STIM2: variants seen among roughly 807,000 people sequenced by gnomAD.
The protein encoded by STIM2 is stromal interaction molecule 2.
In STIM2, 31 loss-of-function variants were observed where a neutral mutation model predicts 85.8. The ratio of observed to expected loss-of-function variants is 0.36; its 90% CI spans 0.27 to 0.49. STIM2 has a LOEUF of 0.49. STIM2 is among the 20% of genes least tolerant of loss of function. STIM2 has a pLI of 0.98. For synonymous variants in STIM2, 356 were observed against 331.1 expected, an observed-to-expected ratio of 1.08 and a Z score of -0.82; for missense variants, 841 against 927.6, an observed-to-expected ratio of 0.91 and a Z score of 1.21.
At chr4:26,977,666 A>G (rs1270835034) in intron 3 of STIM2, among the ~76,000 whole-genome samples, 1 of 152,190 alleles carries the variant, frequency 6.6e-6, no homozygotes, top group Non-Finnish European at 1.5e-5. Flanking sequence ...GGACAGGAAT[A>G]AAAGTTCATT....
At chr4:26,868,274 A>C (rs973019797) in intron 1 of STIM2, among the ~76,000 whole-genome samples, 1 of 152,212 alleles carries the variant, frequency 6.6e-6, no homozygotes, top group Non-Finnish European at 1.5e-5. Flanking sequence ...GTATCTGTCC[A>C]AGTGTTTCTT....
At chr4:26,872,484 C>T (rs1205884539) in intron 1 of STIM2, among the ~76,000 whole-genome samples, 1 of 152,122 alleles carries the variant, frequency 6.6e-6, no homozygotes, top group Non-Finnish European at 1.5e-5. Flanking sequence ...ATAGAAAATA[C>T]ATCTACTTCA....
chr4:26,974,854 C>G (rs560643423), intron 3 of STIM2, among the ~76,000 whole-genome samples: 21 of 152,260 alleles, frequency 1.4e-4, no homozygotes, highest in African/African-American at 5.1e-4. Flanking sequence ...GTCCATTCCC[C>G]CCATCACTTT....
chr4:27,001,861 T>G (rs1300878344), intron 5 of STIM2, among the ~76,000 whole-genome samples: 1 of 152,176 alleles, frequency 6.6e-6, no homozygotes, highest in Non-Finnish European at 1.5e-5. Flanking sequence ...ATGATGGTGG[T>G]GATACTTTTG....
intron 3 of STIM2, among the ~76,000 whole-genome samples, chr4:26,992,267 A>G (rs1269938846): frequency 6.6e-6 from 1 of 152,168 alleles, no homozygotes; most frequent in African/African-American, 2.4e-5. Context: ...AGCATCCAAC[A>G]AATAATTTGT....
chr4:26,962,842 G>C (rs923821116), intron 3 of STIM2, among the ~76,000 whole-genome samples: 4 of 152,084 alleles, frequency 2.6e-5, no homozygotes, highest in African/African-American at 9.7e-5. Flanking sequence ...ATAAAAAACT[G>C]ATTAAGTAAG....
intron 2 of STIM2, among the ~76,000 whole-genome samples, chr4:26,923,073 C>T (rs1199030165): frequency 6.6e-6 from 1 of 151,262 alleles, no homozygotes; most frequent in Non-Finnish European, 1.5e-5. Context: ...TGACCCCTGA[C>T]CCCCGAGCAG....
chr4:26,987,474 C>T (rs1342527089), intron 3 of STIM2, among the ~76,000 whole-genome samples: 1 of 152,112 alleles, frequency 6.6e-6, no homozygotes, highest in African/African-American at 2.4e-5. Flanking sequence ...TAGTCCCGCC[C>T]TTCCCCATAT....
intron 1 of STIM2, among the ~76,000 whole-genome samples, chr4:26,912,414 T>A (rs1724379753): frequency 6.6e-6 from 1 of 152,230 alleles, no homozygotes; most frequent in Non-Finnish European, 1.5e-5. Context: ...TTTTTCAGCT[T>A]CATTTCTTTC....
chr4:26,961,623 G>A (rs1321786832), intron 3 of STIM2, among the ~76,000 whole-genome samples: 1 of 152,190 alleles, frequency 6.6e-6, no homozygotes, highest in Non-Finnish European at 1.5e-5. Context: ...TACAATAATA[G>A]CAGTAAGTTT....
chr4:26,931,270 C>T (rs1725196141), intron 2 of STIM2, among the ~76,000 whole-genome samples: 1 of 152,116 alleles, frequency 6.6e-6, no homozygotes, highest in African/African-American at 2.4e-5. Flanking sequence ...ATCACTTTTG[C>T]TGTATTCTAC....
intron 2 of STIM2, among the ~76,000 whole-genome samples, chr4:26,923,317 G>A (rs1017866538): frequency 8.6e-5 from 13 of 151,828 alleles, no homozygotes; most frequent in African/African-American, 1.5e-4. Flanking sequence ...AACGCAGAGC[G>A]CCTCTCCTCC....
intron 3 of STIM2, among the ~76,000 whole-genome samples, chr4:26,989,630 G>A (rs932524168): frequency 6.6e-6 from 1 of 152,124 alleles, no homozygotes; most frequent in Non-Finnish European, 1.5e-5. Context: ...TTAAGCAAAA[G>A]AAATAAATAA....
chr4:26,905,918 TTAA>T (rs2076818032), intron 1 of STIM2, among the ~76,000 whole-genome samples: 2 of 152,148 alleles, frequency 1.3e-5, no homozygotes, highest in Admixed American at 6.5e-5. Flanking sequence ...TATTTAACTG[TTAA>T]TAACTGGTTT....
At chr4:26,959,163 T>C (rs970620355) in intron 3 of STIM2, among the ~76,000 whole-genome samples, 8 of 152,192 alleles carry the variant, frequency 5.3e-5, no homozygotes, top group African/African-American at 1.7e-4. Flanking sequence ...AGTCCAAATC[T>C]TTACAAAGAC....
At chr4:26,870,127 T>C (rs986918637) in intron 1 of STIM2, among the ~76,000 whole-genome samples, 22 of 152,178 alleles carry the variant, frequency 1.4e-4, no homozygotes, top group Admixed American at 1.2e-3. Context: ...TACCAGGGGC[T>C]AGGGAAAGGA....
rs573222789 is a variant in STIM2 at position 26,960,901 on chromosome 4, T to C, written c.397+3175T>C. ...CAACATGGCAAAACCCTGTCTCTAC[T>C]AAAAATACAAAAATTAACTAGGCTT... On this transcript the variant is annotated intron_variant, in intron 3 of 11. Coordinates refer to ENST00000467087, the MANE Select transcript of STIM2 (RefSeq NM_020860.4). Among the ~76,000 whole-genome samples, 3 of 151,762 alleles carry C rather than the reference T, an allele frequency of 2.0e-5. No homozygotes were observed. The East Asian group carries it at 5.8e-4, about 29-fold the overall frequency.
chr4:26,877,674 A>G (rs570949641), intron 1 of STIM2, among the ~76,000 whole-genome samples: 29 of 152,214 alleles, frequency 1.9e-4, no homozygotes, highest in African/African-American at 6.3e-4. Context: ...TGTTACTACC[A>G]TCCCCTTCAG....
chr4:27,007,854 A>C (rs1728420205), intron 8 of STIM2, 154 bp downstream of exon 8: 1 of 814,634 alleles, frequency 1.2e-6, no homozygotes, highest in Admixed American at 2.9e-5. Flanking sequence ...GACTCTAGTA[A>C]TCATAAGCTT....
Sources: gnomAD v4.1 joint callset for allele counts (sites outside exome capture counted in the v4.1 genomes callset) on GRCh38, gnomAD v4.1.1 for gene constraint, MANE v1.5 for transcripts, NCBI Gene and HGNC (gene_info 2026-07-23, HGNC 2026-07-21) for gene names.